The following PLCE1 variants were observed in gnomAD, a reference collection of about 807,000 sequenced individuals.
PLCE1 encodes 1-phosphatidylinositol 4,5-bisphosphate phosphodiesterase epsilon-1.
A neutral mutation model predicts 242.8 loss-of-function variants in PLCE1; 119 were observed. The ratio of observed to expected loss-of-function variants is 0.49; its 90% CI spans 0.42 to 0.57. The LOEUF is 0.57. PLCE1 is among the 20% of genes least tolerant of loss of function. The probability of loss-of-function intolerance (pLI) is 0.00; values close to 1 mark genes in which losing one functional copy is unlikely to be tolerated. For synonymous variants in PLCE1, 945 were observed against 1,017.4 expected (o/e 0.93, Z 1.35); for missense variants, 2,441 against 2,788.8 (o/e 0.88, Z 2.81).
At chr10:94,007,464 G>A (rs920314545) in intron 1 of PLCE1, among the ~76,000 whole-genome samples, 1 of 151,898 alleles carries the variant, frequency 6.6e-6, no homozygotes, top group African/African-American at 2.4e-5. Flanking sequence ...GTGCTAGTAT[G>A]TAACTTGTTA....
At chr10:94,234,441 T>A in intron 6 of PLCE1, 129 bp downstream of exon 6, 1 of 1,014,336 alleles carries the variant, frequency 9.9e-7, no homozygotes. Context: ...ATATTATTTC[T>A]GGGTAGCACA....
At chr10:94,132,112 C>A in intron 2 of PLCE1, 62 bp from the exon 3 acceptor site, 2 of 1,530,306 alleles carry the variant, frequency 1.3e-6, no homozygotes, top group Non-Finnish European at 1.8e-6. Context: ...ATTTTGTCAA[C>A]AAGTTAATTT....
Position 94,321,944 on chromosome 10 carries a change from T to C in PLCE1, c.6386T>C (p.Ile2129Thr). ...KNIVQDDKEVILSSEEESFFV... is the reference protein window; with the variant it reads ...KNIVQDDKEVTLSSEEESFFV... Reference sequence around the variant, plus strand: ...ATTGTTCAAGATGACAAAGAGGTGATCTTGAGCTCAGAGGAGGAGAGTTTC... The same window carrying C: ...ATTGTTCAAGATGACAAAGAGGTGACCTTGAGCTCAGAGGAGGAGAGTTTC... The change falls in exon 30 of 33, where the codon ATC (isoleucine) becomes ACC (threonine). Residue 2129 changes from isoleucine (I) to threonine (T), a missense_variant. This residue lies in a region of PLCE1 where 310 missense variants were observed against 317.2 expected (regional missense o/e 0.98). Transcript: ENST00000371380. 6.2e-7 allele frequency: 1 copy of C among 1,613,964 alleles called. No individual in the cohort carries two copies. The highest frequency in any genetic ancestry group is 8.5e-7 in the Non-Finnish European group (1 of 1,179,872).
chr10:94,171,396 G>C lies in PLCE1; in HGVS notation c.1709G>C (p.Ser570Thr). Residue 570 changes from serine (S) to threonine (T), a missense_variant, in exon 4 of 33, where the codon AGC becomes ACC. Physicochemically the swap from Ser to Thr is moderately conservative, Grantham distance 58 (BLOSUM62 1). Coordinates refer to ENST00000371380, the MANE Select transcript of PLCE1 (RefSeq NM_016341.4). ...GACTTGGGCACTCCTGAATGCCAGA[G>C]CTCCTTGCCCTGCCTCAAAGCATCC... ...TRDLGTPECQ[S>T]SLPCLKASIS... 6.2e-7 allele frequency: 1 copy of C among 1,614,164 alleles called. No individual in the cohort carries two copies. The highest frequency in any genetic ancestry group is 8.5e-7 in the Non-Finnish European group (1 of 1,180,004).
chr10:94,227,816 T>A lies in PLCE1; in HGVS notation c.1955+365T>A, dbSNP rs571788680. Among the ~76,000 whole-genome samples the A allele has an allele frequency of 2.0e-5, 3 of 152,340 alleles. No homozygotes were observed. The East Asian group carries it at 5.8e-4, about 29-fold the overall frequency. On this transcript the variant is annotated intron_variant, in intron 5 of 32. Transcript: ENST00000371380. Reference sequence around the variant, plus strand: ...TTTTCAGGCCTGCCTTATGTAGTGTTCCAGGGCTATATGCTATAGACCACC... The same window carrying A: ...TTTTCAGGCCTGCCTTATGTAGTGTACCAGGGCTATATGCTATAGACCACC...
chr10:94,280,239 C>T (rs954100766), intron 20 of PLCE1: 10 of 374,960 alleles, frequency 2.7e-5, no homozygotes, highest in Non-Finnish European at 4.5e-5. Context: ...TGGCAGGAGT[C>T]GTAGACTGAG....
intron 21 of PLCE1, 121 bp downstream of exon 21, chr10:94,284,032 A>G (rs2133325388): frequency 8.4e-7 from 1 of 1,190,552 alleles, no homozygotes; most frequent in Non-Finnish European, 1.2e-6. Context: ...TCCCTTAGAT[A>G]CCTGCCAAAG....
chr10:94,119,572 C>G (rs1231978699), intron 2 of PLCE1, among the ~76,000 whole-genome samples: 2 of 152,178 alleles, frequency 1.3e-5, no homozygotes, highest in Admixed American at 1.3e-4. Context: ...CCCTTTCTTA[C>G]CCTTCCTCAA....
rs1002257817 is a variant in PLCE1, at chr10:94,043,779, A to C, written c.1206+11527A>C. The stretch of plus-strand genomic sequence containing the variant: ...AGCCAGTTCTCCTTTTGATGGCCAC[A>C]AACCAAATATGGGCAGTGTAATGAT... On this transcript the variant is annotated intron_variant, in intron 2 of 32. Transcript: ENST00000371380. 3.9e-5 allele frequency among the ~76,000 whole-genome samples: 6 copies of C among 152,340 alleles called. 1 individual carries two copies. The highest frequency in any genetic ancestry group is 3.9e-4 in the Admixed American group (6 of 15,302).
At chr10:94,180,405 G>A (rs556651420) in intron 4 of PLCE1, among the ~76,000 whole-genome samples, 8 of 152,162 alleles carry the variant, frequency 5.3e-5, no homozygotes, top group East Asian at 3.9e-4. Flanking sequence ...TAGAGCATGG[G>A]GGATAATTTA....
intron 4 of PLCE1, among the ~76,000 whole-genome samples, chr10:94,191,290 G>C (rs1028933255): frequency 9.2e-5 from 14 of 152,058 alleles, no homozygotes; most frequent in Admixed American, 2.6e-4. Context: ...TTTCACTAGA[G>C]CAGAGAGGAC....
chr10:94,295,106 TG>T (rs2052767992), intron 23 of PLCE1, among the ~76,000 whole-genome samples: 1 of 151,428 alleles, frequency 6.6e-6, no homozygotes, highest in Admixed American at 6.6e-5. Flanking sequence ...TTAGTAGAGA[TG>T]GGGTTTTACC....
At chr10:94,103,199 C>A (rs1267284930) in intron 2 of PLCE1, among the ~76,000 whole-genome samples, 1 of 152,198 alleles carries the variant, frequency 6.6e-6, no homozygotes, top group Admixed American at 6.5e-5. Flanking sequence ...TTCCTCACAA[C>A]CACCTGATAA....
At chr10:94,175,761 C>G (rs1261656463) in intron 4 of PLCE1, among the ~76,000 whole-genome samples, 2 of 152,184 alleles carry the variant, frequency 1.3e-5, no homozygotes, top group Non-Finnish European at 2.9e-5. Flanking sequence ...CTTCTACTTT[C>G]TGTCTCCATG....
At chr10:94,206,342 TGAAAG>T (rs578028622) in intron 4 of PLCE1, among the ~76,000 whole-genome samples, 131 of 152,168 alleles carry the variant, frequency 8.6e-4, no homozygotes, top group African/African-American at 2.9e-3. Context: ...GTGCAGGACA[TGAAAG>T]GAAGTGGCAA....
At chr10:94,187,983 C>T (rs762779793) in intron 4 of PLCE1, among the ~76,000 whole-genome samples, 25 of 152,168 alleles carry the variant, frequency 1.6e-4, no homozygotes, top group Middle Eastern at 3.4e-3. Context: ...TCCCTAGGTA[C>T]GCACAGCTAC....
chr10:94,190,237 G>A (rs956403296), intron 4 of PLCE1, among the ~76,000 whole-genome samples: 8 of 152,174 alleles, frequency 5.3e-5, no homozygotes, highest in Non-Finnish European at 1.0e-4. Context: ...CCAAGATGGC[G>A]CTACTGTACT....
chr10:94,257,678 A>G (rs2051147282), intron 11 of PLCE1, among the ~76,000 whole-genome samples: 4 of 152,210 alleles, frequency 2.6e-5, no homozygotes, highest in Admixed American at 2.6e-4. Context: ...AGGACAGAAA[A>G]CCAAACACCG....
At chr10:94,235,062 T>TCTCACACACA (rs2050269717) in intron 6 of PLCE1, among the ~76,000 whole-genome samples, 1 of 135,440 alleles carries the variant, frequency 7.4e-6, no homozygotes, top group African/African-American at 2.9e-5. Context: ...TACTGACCTT[T>TCTCACACACA]CACACACACA....
Sources: allele counts gnomAD v4.1 joint callset (sites outside exome capture counted in the v4.1 genomes callset), GRCh38; gene constraint gnomAD v4.1.1; regional missense constraint gnomAD v4.1.1; transcripts MANE v1.5; gene names NCBI Gene and HGNC (gene_info 2026-07-23, HGNC 2026-07-21).